Variants in LPIN3 observed in about 807,000 individuals in gnomAD.
The protein encoded by LPIN3 is phosphatidate phosphatase LPIN3.
Under a neutral mutation model 94.7 loss-of-function variants are expected in LPIN3, and 82 were observed. That is an observed-to-expected ratio of 0.87 (90% CI 0.72 to 1.04). The LOEUF is 1.04. Ranked by LOEUF, LPIN3 falls within the 50% of genes least tolerant of loss-of-function variation. LPIN3 has a pLI of 0.00. For synonymous variants in LPIN3, 418 were observed against 443.3 expected (o/e 0.94, Z 0.72); for missense variants, 996 against 1,090.5 (o/e 0.91, Z 1.22).
At chr20:41,343,065 G>A (rs899950558) in intron 1 of LPIN3, among the ~76,000 whole-genome samples, 14 of 152,194 alleles carry the variant, frequency 9.2e-5, no homozygotes, top group African/African-American at 3.1e-4. Context: ...AGCTGCGGGG[G>A]ATGAAGTGCT....
At chr20:41,347,158 G>A (rs1166490790) in intron 2 of LPIN3, among the ~76,000 whole-genome samples, 3 of 152,220 alleles carry the variant, frequency 2.0e-5, no homozygotes, top group Non-Finnish European at 4.4e-5. Flanking sequence ...CATTGTTTAT[G>A]CAGCCAATAA....
chr20:41,355,453 C>T (rs2046176317), intron 13 of LPIN3, among the ~76,000 whole-genome samples: 1 of 152,184 alleles, frequency 6.6e-6, no homozygotes, highest in Non-Finnish European at 1.5e-5. Context: ...ACAAGGGGAT[C>T]CCTATTAAGG....
intron 2 of LPIN3, 67 bp from the exon 3 acceptor site, chr20:41,347,485 C>G: frequency 5.3e-6 from 8 of 1,497,494 alleles, no homozygotes; most frequent in Non-Finnish European, 7.4e-6. Flanking sequence ...GAGGACCAGC[C>G]AGGAGGCCTG....
chr20:41,357,437 A>G lies in LPIN3; in HGVS notation c.2029A>G (p.Lys677Glu). Residue 677 changes from lysine (K) to glutamate (E), a missense_variant, in exon 16 of 20, where the codon AAA becomes GAA. Coordinates refer to ENST00000373257, the MANE Select transcript of LPIN3 (RefSeq NM_022896.3). ...CCAGGGCATCACCAGTCTCTATCAC[A>G]AAATCCAACTGTGAGTGCCTGGGCT... ...THQGITSLYH[K>E]IQLNGYKFLY... 1 of 1,613,394 alleles carries G rather than the reference A, an allele frequency of 6.2e-7. No individual in the cohort carries two copies. The highest frequency in any genetic ancestry group is 2.2e-5 in the East Asian group (1 of 44,878).
chr20:41,346,721 A>G (rs1314853799), intron 2 of LPIN3, among the ~76,000 whole-genome samples: 1 of 152,232 alleles, frequency 6.6e-6, no homozygotes, highest in Non-Finnish European at 1.5e-5. Flanking sequence ...AGCCTGGGCG[A>G]CAAGAGCGAA....
intron 11 of LPIN3, among the ~76,000 whole-genome samples, 199 bp from the exon 12 acceptor site, chr20:41,354,446 T>C (rs993038538): frequency 2.0e-5 from 3 of 152,206 alleles, no homozygotes; most frequent in African/African-American, 7.2e-5. Context: ...CTTGGTCTTT[T>C]GAGTATAGCT....
intron 13 of LPIN3, 90 bp from the exon 14 acceptor site, chr20:41,355,806 C>T (rs373441398): frequency 8.6e-6 from 13 of 1,519,938 alleles, no homozygotes; most frequent in South Asian, 3.7e-5. Flanking sequence ...CCTGGCATGG[C>T]GGGGACAGGT....
chr20:41,349,064 T>C (rs1006433139), intron 4 of LPIN3, 28 bp from the exon 5 acceptor site: 1 of 1,613,426 alleles, frequency 6.2e-7, no homozygotes, highest in Non-Finnish European at 8.5e-7. Context: ...GCCTGATCAG[T>C]GACCATTTCC....
intron 2 of LPIN3, among the ~76,000 whole-genome samples, chr20:41,347,004 C>T (rs2045802966): frequency 6.6e-6 from 1 of 152,120 alleles, no homozygotes; most frequent in African/African-American, 2.4e-5. Context: ...TGCCTCCTAA[C>T]CAATTACTCA....
At position 41,358,352 on chromosome 20, in the gene LPIN3, G is replaced by A. The variant is rs906665477; in HGVS notation, c.2307+1G>A. ...TGCTGCCTTTGGGAATAGGCCCAAT[G>A]TGAGTGTGTCCCCTCCACTCTGCTG... On this transcript the variant is annotated splice_donor_variant, in intron 18 of 19. Transcript: ENST00000373257. LOFTEE classifies it high-confidence loss of function. 5 of 1,613,900 alleles carry A rather than the reference G, an allele frequency of 3.1e-6. No individual in the cohort carries two copies. In the African/African-American group the frequency reaches 5.3e-5, roughly 17 times the overall value.
chr20:41,344,406 A>G (rs1054460282), intron 1 of LPIN3, among the ~76,000 whole-genome samples: 1 of 152,222 alleles, frequency 6.6e-6, no homozygotes, highest in Non-Finnish European at 1.5e-5. Flanking sequence ...CTCACCTGTA[A>G]AGTCACTTAA....
At chr20:41,357,584 C>G in intron 16 of LPIN3, 137 bp downstream of exon 16, 1 of 768,894 alleles carries the variant, frequency 1.3e-6, no homozygotes, top group South Asian at 1.8e-5. Flanking sequence ...GCTGAGACCT[C>G]TCTATTGGCC....
intron 11 of LPIN3, among the ~76,000 whole-genome samples, chr20:41,353,196 G>A (rs955819384): frequency 3.3e-5 from 5 of 152,248 alleles, no homozygotes; most frequent in African/African-American, 1.2e-4. Context: ...ATATGGGGAA[G>A]CCTTTGGATC....
intron 14 of LPIN3, among the ~76,000 whole-genome samples, chr20:41,356,346 A>T (rs1408692247): frequency 6.6e-6 from 1 of 152,182 alleles, no homozygotes; most frequent in East Asian, 1.9e-4. Flanking sequence ...AAAGAATCAA[A>T]TGCTAATGAC....
chr20:41,358,029 C>T lies in LPIN3; in HGVS notation c.2187C>T (p.Leu729=). 2 of 1,599,186 alleles carry T rather than the reference C, an allele frequency of 1.3e-6. No individual in the cohort carries two copies. Among genetic ancestry groups the T allele is most frequent in the Non-Finnish European group, 1.7e-6 (2 of 1,173,272 alleles). Residue 729 remains leucine, a synonymous_variant, in exon 17 of 20, where the codon CTC becomes CTT. Transcript: ENST00000373257. ...CTCCCAGCAGCCTCTTCTCTGCCCT[C>T]CACAGGTAACCACCCCTACACATAC... The part of the protein sequence containing the change: ...LLSPSSLFSA[L]HREVIEKKPE...
rs2146988794 is a variant in LPIN3, at chr20:41,354,564, CGTGGAGGGT to C, written c.1528-80_1528-72del. The C allele has an allele frequency of 1.2e-5, 16 of 1,374,108 alleles. 1 individual carries two copies. The South Asian group carries it at 2.4e-4, about 20-fold the overall frequency. 85.1% of individuals were successfully genotyped at this position (1,374,108 alleles called of 1,614,324 possible). On this transcript the variant is annotated intron_variant, in intron 11 of 19. Transcript: ENST00000373257. ...GGTTGGCTCAGACTCTGGGCTCATG[CGTGGAGGGT>C]CCCAAGAACAACGTAAGGTAGGAGG...
At chr20:41,345,654 G>A (rs1030032562) in intron 1 of LPIN3, 142 bp from the exon 2 acceptor site, 87 of 846,448 alleles carry the variant, frequency 1.0e-4, no homozygotes, top group Non-Finnish European at 1.3e-4. Flanking sequence ...ACCTCCCATC[G>A]CACAGCTGCT....
rs2045884322 is a variant in LPIN3, at chr20:41,348,780, C to G, written c.450C>G (p.Pro150=). ...GGAAGAGGCGTCGCAGGAGGAAACC[C>G]AAGCAGAAAGAGGATGCAGTGGCAA... The part of the protein sequence containing the change: ...GRRKRRRRRK[P]KQKEDAVATD... Residue 150 remains proline (P), a synonymous_variant, in exon 4 of 20, where the codon CCC becomes CCG. Coordinates refer to ENST00000373257, the MANE Select transcript of LPIN3 (RefSeq NM_022896.3). 1 of 1,612,670 alleles carries G rather than the reference C, an allele frequency of 6.2e-7. No individual in the cohort carries two copies. The highest frequency in any genetic ancestry group is 1.1e-5 in the South Asian group (1 of 90,810).
chr20:41,352,532 G>A (rs1010266227), intron 9 of LPIN3, 74 bp from the exon 10 acceptor site: 2 of 1,300,042 alleles, frequency 1.5e-6, no homozygotes, highest in Non-Finnish European at 2.2e-6. Context: ...GCAGAGTGGG[G>A]AGCACCAGGG....
Sources: allele counts gnomAD v4.1 joint callset (sites outside exome capture counted in the v4.1 genomes callset), GRCh38; gene constraint gnomAD v4.1.1; transcripts MANE v1.5; gene names NCBI Gene and HGNC (gene_info 2026-07-23, HGNC 2026-07-21).